The following EDF1 variants were observed in gnomAD, a reference collection of about 807,000 sequenced individuals.
The protein encoded by EDF1 is endothelial differentiation related factor 1.
Under a neutral mutation model 20.8 loss-of-function variants are expected in EDF1, and 5 were observed. The observed-to-expected ratio is 0.24, with a 90% CI of 0.13 to 0.51. The LOEUF (loss-of-function observed/expected upper bound fraction) is 0.51, where lower values mean the gene tolerates loss of function less well. Among genes scored for constraint, EDF1 ranks in the 20% least tolerant of loss-of-function variants. EDF1 has a pLI of 0.97. For synonymous variants in EDF1, 96 were observed against 78.5 expected (o/e 1.22, Z -1.18); for missense variants, 137 against 197.8 (o/e 0.69, Z 1.84).
Position 136,866,164 on chromosome 9 carries a change from C to T in EDF1, c.78+17G>A, listed in dbSNP as rs777676868. ...TCCGCCCCGCCCGGCCCGGCCGCTC[C>T]TCAGTCAGCAAAGCACCTGCTTGGA... On this transcript the variant is annotated intron_variant, in intron 1 of 4. Transcript: ENST00000224073. 3 of 1,591,698 alleles carry T rather than the reference C, an allele frequency of 1.9e-6. No homozygotes were observed. The highest frequency in any genetic ancestry group is 2.3e-5 in the South Asian group (2 of 88,524).
rs1849164373 is a variant in EDF1, at chr9:136,863,954, G to A, written c.79-83C>T. ...ACCAATTCAGGCCTGCTGTTAGCCAGTTAGCACACTGCTAAGGACTAGTGG... is the reference window on the plus strand; with the variant it reads ...ACCAATTCAGGCCTGCTGTTAGCCAATTAGCACACTGCTAAGGACTAGTGG... On this transcript the variant is annotated intron_variant, in intron 1 of 4. Transcript: ENST00000224073. This position sits in a 1 kb window ranked among gnomAD's most constrained non-coding sequence, Gnocchi z 4.5. 1 of 1,429,326 alleles carries A rather than the reference G, an allele frequency of 7.0e-7. No homozygotes were observed. The allele number at this position is 1,429,326 out of a possible 1,614,324, so 88.5% of individuals were successfully genotyped here.
At chr9:136,864,918 C>A (rs747856506) in intron 1 of EDF1, among the ~76,000 whole-genome samples, 3 of 152,284 alleles carry the variant, frequency 2.0e-5, no homozygotes, top group South Asian at 4.2e-4. Context: ...CCACCGCGCC[C>A]GGCCAACATT....
rs1849227843 is a variant in EDF1 at position 136,866,291 on chromosome 9, C to T, written c.-33G>A. On this transcript the variant is annotated 5_prime_UTR_variant, in exon 1 of 5. Coordinates refer to ENST00000224073, the MANE Select transcript of EDF1 (RefSeq NM_003792.4). ...GAAGACGAGCGTCCGTCCGGCGGCT[C>T]AGCGGCAGCTGCTAGAGACCTGGCG... 8 of 1,590,518 alleles carry T rather than the reference C, an allele frequency of 5.0e-6. No homozygotes were observed. Among genetic ancestry groups the T allele is most frequent in the African/African-American group, 1.4e-5 (1 of 72,494 alleles).
In EDF1 at chr9:136,862,867, C is replaced by T. The variant is rs759334760; in HGVS notation, c.385+39G>A. 1 of 1,612,368 alleles carries T rather than the reference C, an allele frequency of 6.2e-7. No individual in the cohort carries two copies. The highest frequency in any genetic ancestry group is 8.5e-7 in the Non-Finnish European group (1 of 1,179,986). On this transcript the variant is annotated intron_variant, in intron 4 of 4. Transcript: ENST00000224073. The surrounding 1 kb of genome is among the most constrained non-coding windows in gnomAD (Gnocchi z 4.1). ...CCCCAGCTGGGAGCGGGTAGCCTCC[C>T]TGTTCAGCGGACCCGGCGAAGGGTG... is the stretch of plus-strand genomic sequence containing the variant.
At position 136,863,456 on chromosome 9, in the gene EDF1, C is replaced by T. The variant is rs1352140170; in HGVS notation, c.131-8G>A. 1.2e-5 allele frequency: 19 copies of T among 1,608,996 alleles called. No homozygotes were observed. The highest frequency in any genetic ancestry group is 2.2e-5 in the East Asian group (1 of 44,758). The stretch of plus-strand genomic sequence containing the variant: ...TGTTCTGGCCAGCAGCCCCTGGAGT[C>T]GGTGTGAGGCAAAAGCAGAGGAGAG... On this transcript the variant is annotated splice_polypyrimidine_tract_variant and splice_region_variant and intron_variant, in intron 2 of 4. Transcript: ENST00000224073. The surrounding 1 kb of genome is among the most constrained non-coding windows in gnomAD (Gnocchi z 4.5).
At chr9:136,865,432 G>A (rs531756125) in intron 1 of EDF1, among the ~76,000 whole-genome samples, 2 of 151,968 alleles carry the variant, frequency 1.3e-5, no homozygotes, top group South Asian at 2.1e-4. Flanking sequence ...AACCAAGCAG[G>A]TCCCAGGCAG....
At position 136,863,919 on chromosome 9, in the gene EDF1, T is replaced by A; in HGVS notation, c.79-48A>T. The stretch of plus-strand genomic sequence containing the variant: ...TGGATCAAAATTAGCTTTGACAGTA[T>A]CCAGCACACACCAATTCAGGCCTGC... On this transcript the variant is annotated intron_variant, in intron 1 of 4. Transcript: ENST00000224073. The surrounding 1 kb of genome is among the most constrained non-coding windows in gnomAD (Gnocchi z 4.5). 1.2e-6 allele frequency: 2 copies of A among 1,601,588 alleles called. No homozygotes were observed. Among genetic ancestry groups the A allele is most frequent in the East Asian group, 4.5e-5 (2 of 44,818 alleles).
At position 136,862,226 on chromosome 9, in the gene EDF1, C is replaced by T. The variant is rs1402725954; in HGVS notation, c.*58G>A. On this transcript the variant is annotated 3_prime_UTR_variant, in exon 5 of 5. Transcript: ENST00000224073. This position sits in a 1 kb window ranked among gnomAD's most constrained non-coding sequence, Gnocchi z 4.1. ...CCCGTGAGGAGAACGGAACTGGCGG[C>T]CAAGGGGAACCGGCGGAACGAGATC... 1.2e-6 allele frequency: 2 copies of T among 1,609,294 alleles called. No individual in the cohort carries two copies. The highest frequency in any genetic ancestry group is 8.5e-7 in the Non-Finnish European group (1 of 1,175,910).
chr9:136,866,155 C>G, intron 1 of EDF1, 26 bp downstream of exon 1: 1 of 1,582,774 alleles, frequency 6.3e-7, no homozygotes, highest in Non-Finnish European at 8.6e-7. Flanking sequence ...CCGCCCGGCC[C>G]GGCCGCTCCT....
At position 136,862,774 on chromosome 9, in the gene EDF1, A is replaced by C; in HGVS notation, c.385+132T>G. ...CAGTCTGTACTACCTGGAGAAGCAA[A>C]GCTCCAGAATTCAGAGAACAGGGGA... is the stretch of plus-strand genomic sequence containing the variant. On this transcript the variant is annotated intron_variant, in intron 4 of 4. Transcript: ENST00000224073. This position sits in a 1 kb window ranked among gnomAD's most constrained non-coding sequence, Gnocchi z 4.1. 1 of 1,599,836 alleles carries C rather than the reference A, an allele frequency of 6.3e-7. No individual in the cohort carries two copies. The highest frequency in any genetic ancestry group is 8.5e-7 in the Non-Finnish European group (1 of 1,174,878).
At chr9:136,865,122 C>G (rs1456902542) in intron 1 of EDF1, among the ~76,000 whole-genome samples, 1 of 152,136 alleles carries the variant, frequency 6.6e-6, no homozygotes, top group Non-Finnish European at 1.5e-5. Flanking sequence ...CACCAGAGCC[C>G]CAGCGCATCC....
Position 136,866,216 on chromosome 9 carries a change from T to G in EDF1, c.43A>C (p.Lys15Gln). 6.2e-7 allele frequency: 1 copy of G among 1,601,770 alleles called. No individual in the cohort carries two copies. Among genetic ancestry groups the G allele is most frequent in the Non-Finnish European group, 8.5e-7 (1 of 1,176,012 alleles). Residue 15 changes from lysine (K) to glutamine (Q), a missense_variant, in exon 1 of 5, where the codon AAG becomes CAG. By Grantham distance (53) the Lys-to-Gln change is moderately conservative (BLOSUM62 1). Coordinates refer to ENST00000224073, the MANE Select transcript of EDF1 (RefSeq NM_003792.4). ...DWDTVTVLRK[K>Q]GPTAAQAKSK... Reference sequence around the variant, plus strand: ...TTGGCCTGGGCGGCCGTAGGGCCCTTCTTGCGCAGCACCGTCACCGTGTCC... The same window carrying G: ...TTGGCCTGGGCGGCCGTAGGGCCCTGCTTGCGCAGCACCGTCACCGTGTCC...
In EDF1 at chr9:136,862,756, T is replaced by A; in HGVS notation, c.385+150A>T. On this transcript the variant is annotated intron_variant, in intron 4 of 4. Transcript: ENST00000224073. This position sits in a 1 kb window ranked among gnomAD's most constrained non-coding sequence, Gnocchi z 4.1. ...AGAGACCCCACCATCCCTCAGTCTG[T>A]ACTACCTGGAGAAGCAAAGCTCCAG... 6.3e-7 allele frequency: 1 copy of A among 1,587,054 alleles called. No homozygotes were observed.
rs186746363 is a variant in EDF1, at chr9:136,862,443, C to G, written c.386-98G>C. ...ATCTTCCCAGGGAAGGGGGGCCACGCCGCTCCCGTGCCTCACTGGGCTCTC... is the reference window on the plus strand; with the variant it reads ...ATCTTCCCAGGGAAGGGGGGCCACGGCGCTCCCGTGCCTCACTGGGCTCTC... On this transcript the variant is annotated intron_variant, in intron 4 of 4. Transcript: ENST00000224073. This position sits in a 1 kb window ranked among gnomAD's most constrained non-coding sequence, Gnocchi z 4.1. 2.5e-5 allele frequency: 40 copies of G among 1,613,594 alleles called. No individual in the cohort carries two copies. The African/African-American group carries it at 5.2e-4, about 21-fold the overall frequency.
In EDF1 at chr9:136,862,240, C is replaced by A; in HGVS notation, c.*44G>T. On this transcript the variant is annotated 3_prime_UTR_variant, in exon 5 of 5. Transcript: ENST00000224073. This position sits in a 1 kb window ranked among gnomAD's most constrained non-coding sequence, Gnocchi z 4.1. ...GGAACTGGCGGCCAAGGGGAACCGGCGGAACGAGATCAGCTGGAGCGCACT... is the reference window on the plus strand; with the variant it reads ...GGAACTGGCGGCCAAGGGGAACCGGAGGAACGAGATCAGCTGGAGCGCACT... The A allele has an allele frequency of 1.2e-6, 2 of 1,612,132 alleles. No homozygotes were observed. Among genetic ancestry groups the A allele is most frequent in the Non-Finnish European group, 8.5e-7 (1 of 1,178,364 alleles).
Position 136,863,418 on chromosome 9 carries a change from A to G in EDF1, c.161T>C (p.Ile54Thr). The G allele has an allele frequency of 6.2e-7, 1 of 1,614,108 alleles. No individual in the cohort carries two copies. The highest frequency in any genetic ancestry group is 8.5e-7 in the Non-Finnish European group (1 of 1,179,982). Reference protein sequence around the residue: ...WAAGQNKQHSITKNTAKLDRE... With the variant: ...WAAGQNKQHSTTKNTAKLDRE... ...GTCCAGCTTGGCCGTGTTCTTGGTA[A>G]TAGAATGTTGTTTGTTCTGGCCAGC... Residue 54 changes from isoleucine (I) to threonine (T), a missense_variant, in exon 3 of 5, where the codon ATT becomes ACT. Coordinates refer to ENST00000224073, the MANE Select transcript of EDF1 (RefSeq NM_003792.4). The surrounding 1 kb of genome is among the most constrained non-coding windows in gnomAD (Gnocchi z 4.5).
rs1039358514 is a variant in EDF1 at position 136,862,624 on chromosome 9, G to T, written c.386-279C>A. ...CCCCATGCTGACAGGGCCCGGACCC[G>T]CTGTGCTCAGGCTCAGAGAACCATC... On this transcript the variant is annotated intron_variant, in intron 4 of 4. Coordinates refer to ENST00000224073, the MANE Select transcript of EDF1 (RefSeq NM_003792.4). This position sits in a 1 kb window ranked among gnomAD's most constrained non-coding sequence, Gnocchi z 4.1. 2.0e-6 allele frequency: 3 copies of T among 1,515,964 alleles called. No individual in the cohort carries two copies. Among genetic ancestry groups the T allele is most frequent in the Non-Finnish European group, 2.6e-6 (3 of 1,137,552 alleles). 93.9% of individuals were successfully genotyped at this position (1,515,964 alleles called of 1,614,324 possible).
In EDF1 at chr9:136,862,556, C is replaced by T. The variant is rs918209802; in HGVS notation, c.386-211G>A. On this transcript the variant is annotated intron_variant, in intron 4 of 4. Coordinates refer to ENST00000224073, the MANE Select transcript of EDF1 (RefSeq NM_003792.4). The surrounding 1 kb of genome is among the most constrained non-coding windows in gnomAD (Gnocchi z 4.1). ...ACAGCAGAGCATGAACACCCCTCTCCGGAAGAACCGGAGCCGGGGTCCTCT... is the reference window on the plus strand; with the variant it reads ...ACAGCAGAGCATGAACACCCCTCTCTGGAAGAACCGGAGCCGGGGTCCTCT... 531 of 1,587,522 alleles carry T rather than the reference C, an allele frequency of 3.3e-4. No individual in the cohort carries two copies. The highest frequency in any genetic ancestry group is 4.0e-4 in the Non-Finnish European group (466 of 1,173,300).
rs1588398162 is a variant in EDF1 at position 136,862,432 on chromosome 9, G to A, written c.386-87C>T. ...CCCTCTTCAACATCTTCCCAGGGAA[G>A]GGGGGCCACGCCGCTCCCGTGCCTC... On this transcript the variant is annotated intron_variant, in intron 4 of 4. Coordinates refer to ENST00000224073, the MANE Select transcript of EDF1 (RefSeq NM_003792.4). This position sits in a 1 kb window ranked among gnomAD's most constrained non-coding sequence, Gnocchi z 4.1. 6.2e-7 allele frequency: 1 copy of A among 1,613,252 alleles called. No individual in the cohort carries two copies. The highest frequency in any genetic ancestry group is 1.3e-5 in the African/African-American group (1 of 74,914).
Sources: allele counts gnomAD v4.1 joint callset (sites outside exome capture counted in the v4.1 genomes callset), GRCh38; gene constraint gnomAD v4.1.1; non-coding constraint Gnocchi (gnomAD v3.1); transcripts MANE v1.5; gene names NCBI Gene and HGNC (gene_info 2026-07-23, HGNC 2026-07-21).